UGT2B11: variants seen among roughly 807,000 people sequenced by gnomAD.
The protein encoded by UGT2B11 is UDP-glucuronosyltransferase 2B11.
In UGT2B11, 49 loss-of-function variants were observed where a neutral mutation model predicts 51.7. The observed-to-expected ratio is 0.95, with a 90% CI of 0.75 to 1.20. The LOEUF is 1.20. Among genes scored for constraint, UGT2B11 ranks in the 50% most tolerant of loss-of-function variants. UGT2B11 has a pLI of 0.00. For synonymous variants in UGT2B11, 273 were observed against 209.0 expected (o/e 1.31, Z -2.64); for missense variants, 810 against 622.1 (o/e 1.30, Z -3.21).
At chr4:69,205,883 T>G (rs1230142466) in intron 3 of UGT2B11, among the ~76,000 whole-genome samples, 1 of 151,504 alleles carries the variant, frequency 6.6e-6, no homozygotes, top group Non-Finnish European at 1.5e-5. Flanking sequence ...AAAAATAACA[T>G]CACAGATCAT....
chr4:69,218,849 A>T (rs192774035), upstream of UGT2B11, among the ~76,000 whole-genome samples: 269 of 152,172 alleles, frequency 1.8e-3, 3 homozygotes, highest in African/African-American at 6.4e-3. Context: ...AAGTCCCTGG[A>T]TTTTGTCTGC....
At chr4:69,221,000 C>G in the UGT2B11 span, among the ~76,000 whole-genome samples, 6 of 152,254 alleles carry the variant, frequency 3.9e-5, no homozygotes, top group South Asian at 1.2e-3. Context: ...CAATTCCAGT[C>G]CCAAGCCTGC....
At chr4:69,204,335 A>C in intron 5 of UGT2B11, 95 bp downstream of exon 5, 2 of 1,525,948 alleles carry the variant, frequency 1.3e-6, no homozygotes, top group Non-Finnish European at 1.8e-6. Context: ...TTCTTTCAAG[A>C]TTACTCTCTT....
At chr4:69,217,281 T>G (rs1722298328), upstream of UGT2B11, among the ~76,000 whole-genome samples, 1 of 152,122 alleles carries the variant, frequency 6.6e-6, no homozygotes, top group Non-Finnish European at 1.5e-5. Flanking sequence ...AAAGTAGAAT[T>G]AGGAAGGAAA....
chr4:69,223,851 G>A, the UGT2B11 span, among the ~76,000 whole-genome samples: 1 of 152,264 alleles, frequency 6.6e-6, no homozygotes, highest in South Asian at 2.1e-4. Context: ...ACTATTGAAT[G>A]GTTCAAATAG....
intron 1 of UGT2B11, among the ~76,000 whole-genome samples, chr4:69,213,116 G>T (rs540199237): frequency 6.6e-6 from 1 of 151,410 alleles, no homozygotes; most frequent in South Asian, 2.1e-4. Flanking sequence ...TTTTCTAACA[G>T]TCCAGTTTAC....
Position 69,201,691 on chromosome 4 carries a change from T to C in UGT2B11, c.1311-972A>G, listed in dbSNP as rs368740678. Among the ~76,000 whole-genome samples the C allele has an allele frequency of 2.4e-4, 36 of 151,916 alleles. No homozygotes were observed. The East Asian group carries it at 3.5e-3, about 15-fold the overall frequency. ...TTTTTGTGGCTCTAAGTGTTACCTC[T>C]AAGAGAGGCTTTTACTGGACAATGA... On this transcript the variant is annotated intron_variant, in intron 5 of 5. Transcript: ENST00000446444.
chr4:69,204,610 G>T lies in UGT2B11; in HGVS notation c.1130C>A (p.Ala377Asp), dbSNP rs1721782117. The T allele has an allele frequency of 3.1e-6, 5 of 1,611,782 alleles. No homozygotes were observed. The South Asian group carries it at 4.4e-5, about 14-fold the overall frequency. Reference protein sequence around the residue: ...KTRAFITHGGANGIYEAIYHG... With the variant: ...KTRAFITHGGDNGIYEAIYHG... ...GTAGATTGCCTCATAGATGCCATTGGCTCCACCATGAGTTATAAAAGCTCT... is the reference window on the plus strand; with the variant it reads ...GTAGATTGCCTCATAGATGCCATTGTCTCCACCATGAGTTATAAAAGCTCT... Residue 377 changes from alanine (A) to aspartate (D), a missense_variant, in exon 5 of 6, where the codon GCC (alanine) becomes GAC (aspartate). By Grantham distance (126) the Ala-to-Asp change is moderately radical (BLOSUM62 -2). Transcript: ENST00000446444.
At position 69,214,406 on chromosome 4, in the gene UGT2B11, C is replaced by A; in HGVS notation, c.317G>T (p.Trp106Leu). The change falls in exon 1 of 6, where the codon TGG becomes TTG. Residue 106 changes from tryptophan (W) to leucine (L), a missense_variant. Coordinates refer to ENST00000446444, the MANE Select transcript of UGT2B11 (RefSeq NM_001073.3). ...TTCTTGTTCTTGTGAAAAATATAAC[C>A]AAAAGCTATCTTTTCGAATGTCTGA... The part of the protein sequence containing the change: ...RWSDIRKDSF[W>L]LYFSQEQEIL... The A allele has an allele frequency of 6.2e-7, 1 of 1,612,836 alleles. No individual in the cohort carries two copies. Among genetic ancestry groups the A allele is most frequent in the Non-Finnish European group, 8.5e-7 (1 of 1,179,406 alleles).
At chr4:69,212,043 T>A (rs916779536) in intron 2 of UGT2B11, among the ~76,000 whole-genome samples, 10 of 151,560 alleles carry the variant, frequency 6.6e-5, no homozygotes, top group Non-Finnish European at 1.3e-4. Flanking sequence ...TATTCCTGCA[T>A]ATTTTTTAGC....
At position 69,214,139 on chromosome 4, in the gene UGT2B11, G is replaced by T; in HGVS notation, c.584C>A (p.Pro195His). Reference sequence around the variant, plus strand: ...ATCACTTAATTTTGACATAACAATAGGTATGTAGGAAGGAGGGAAAATCAG... The same window carrying T: ...ATCACTTAATTTTGACATAACAATATGTATGTAGGAAGGAGGGAAAATCAG... ...GGLIFPPSYI[P>H]IVMSKLSDQM... is the part of the protein sequence containing the mutation. The change falls in exon 1 of 6, where the codon CCT becomes CAT. Residue 195 changes from proline (P) to histidine (H), a missense_variant. Transcript: ENST00000446444. 1 of 1,612,508 alleles carries T rather than the reference G, an allele frequency of 6.2e-7. No individual in the cohort carries two copies. Among genetic ancestry groups the T allele is most frequent in the Non-Finnish European group, 8.5e-7 (1 of 1,179,160 alleles).
chr4:69,219,275 A>T (rs1335417761), upstream of UGT2B11, among the ~76,000 whole-genome samples: 2 of 151,988 alleles, frequency 1.3e-5, no homozygotes, highest in East Asian at 3.9e-4. Flanking sequence ...TCCCTGCCCC[A>T]TTTTTTAATG....
chr4:69,217,898 T>C (rs1722314170), upstream of UGT2B11, among the ~76,000 whole-genome samples: 1 of 152,110 alleles, frequency 6.6e-6, no homozygotes, highest in African/African-American at 2.4e-5. Flanking sequence ...CCCGTCACCA[T>C]GTCTTAATGG....
Position 69,212,732 on chromosome 4 carries a change from T to C in UGT2B11, c.722-11A>G. On this transcript the variant is annotated splice_polypyrimidine_tract_variant and intron_variant, in intron 1 of 5. Coordinates refer to ENST00000446444, the MANE Select transcript of UGT2B11 (RefSeq NM_001073.3). ...AGGTAGTGGGTCTTCCTGACAGGAA[T>C]AAAGAAAAGAAAAAGTGGATGATGT... 2 of 1,592,478 alleles carry C rather than the reference T, an allele frequency of 1.3e-6. No homozygotes were observed. The highest frequency in any genetic ancestry group is 1.7e-4 in the Middle Eastern group (1 of 5,974).
chr4:69,206,081 C>T (rs545283044), intron 3 of UGT2B11, among the ~76,000 whole-genome samples: 4 of 151,472 alleles, frequency 2.6e-5, no homozygotes, highest in South Asian at 2.1e-4. Flanking sequence ...CCTCAGAAAC[C>T]TAGAGGCAAA....
At chr4:69,212,962 A>C (rs1285520960) in intron 1 of UGT2B11, among the ~76,000 whole-genome samples, 1 of 151,356 alleles carries the variant, frequency 6.6e-6, no homozygotes, top group Admixed American at 6.6e-5. Flanking sequence ...ATGTCAAGTC[A>C]GTATACTCAC....
upstream of UGT2B11, chr4:69,215,975 A>T (rs770112048): frequency 1.3e-5 from 2 of 152,058 alleles, no homozygotes; most frequent in Non-Finnish European, 2.9e-5. Flanking sequence ...AGTCAAAATG[A>T]AGAAAATGCA....
chr4:69,208,357 T>A lies in UGT2B11; in HGVS notation c.996A>T (p.Pro332=). 6.2e-7 allele frequency: 1 copy of A among 1,610,982 alleles called. No homozygotes were observed. Among genetic ancestry groups the A allele is most frequent in the African/African-American group, 1.3e-5 (1 of 74,764 alleles). The change falls in exon 3 of 6, where the codon CCA becomes CCT. Residue 332 remains proline (P), a synonymous_variant. Coordinates refer to ENST00000446444, the MANE Select transcript of UGT2B11 (RefSeq NM_001073.3). ...GTAAGGCCCTTTATCTTACCTTTTG[T>A]GGGATCTTGGCAAGGGCTGTTGCAA... ...NVIATALAKI[P]QKVLWRFDGN... is the part of the protein sequence containing the mutation.
chr4:69,221,133 A>G, the UGT2B11 span, among the ~76,000 whole-genome samples: 2 of 152,284 alleles, frequency 1.3e-5, no homozygotes, highest in East Asian at 3.9e-4. Flanking sequence ...TAGAAAGGAG[A>G]GAAAGCACAG....
Sources: gnomAD v4.1 joint callset for allele counts (sites outside exome capture counted in the v4.1 genomes callset) on GRCh38, gnomAD v4.1.1 for gene constraint, MANE v1.5 for transcripts, NCBI Gene and HGNC (gene_info 2026-07-23, HGNC 2026-07-21) for gene names.